Variants in SSU72 observed in about 807,000 individuals in gnomAD.
SSU72 encodes the protein RNA polymerase II subunit A C-terminal domain phosphatase SSU72.
A neutral mutation model predicts 22.7 loss-of-function variants in SSU72; 12 were observed. That is an observed-to-expected ratio of 0.53 (90% CI 0.34 to 0.86). SSU72 has a LOEUF of 0.86. SSU72 is among the 40% of genes least tolerant of loss of function. The pLI is 0.02. For missense variants in SSU72, 151 were observed against 249.8 expected (o/e 0.60, Z 2.67); for synonymous variants, 116 against 98.3 (o/e 1.18, Z -1.06).
intron 2 of SSU72, among the ~76,000 whole-genome samples, chr1:1,559,513 A>G (rs1642559617): frequency 6.6e-6 from 1 of 152,170 alleles, no homozygotes; most frequent in Admixed American, 6.5e-5. Flanking sequence ...GAACCTACAC[A>G]GTAGAGTTCC....
chr1:1,552,948 G>A (rs1642470260), intron 2 of SSU72, among the ~76,000 whole-genome samples: 1 of 150,280 alleles, frequency 6.7e-6, no homozygotes, highest in African/African-American at 2.5e-5. Flanking sequence ...TTGAACCCAC[G>A]AGGCGGAGGT....
chr1:1,553,360 G>A (rs1194638161), intron 2 of SSU72, among the ~76,000 whole-genome samples: 1 of 152,092 alleles, frequency 6.6e-6, no homozygotes, highest in Non-Finnish European at 1.5e-5. Context: ...TAGTTGTTTT[G>A]CCAGGAAATT....
Position 1,541,738 on chromosome 1 carries a change from C to T in SSU72, c.*328G>A, listed in dbSNP as rs1458236386. ...TAACACGCCGCAGCAGGGCTCTGTA[C>T]AGTCCGGCCCGGTGGGGAGGAGGGA... On this transcript the variant is annotated 3_prime_UTR_variant, in exon 5 of 5. Transcript: ENST00000291386. 2.7e-6 allele frequency: 1 copy of T among 366,988 alleles called. No individual in the cohort carries two copies. The highest frequency in any genetic ancestry group is 2.1e-5 in the African/African-American group (1 of 47,364). The allele number at this position is 366,988 out of a possible 1,614,324, so 22.7% of individuals were successfully genotyped here. A position where few individuals can be genotyped will look rare whatever the true frequency, so the allele number is the denominator to read the frequency against.
chr1:1,564,881 C>A lies in SSU72; in HGVS notation c.116G>T (p.Gly39Val). 6.2e-7 allele frequency: 1 copy of A among 1,613,108 alleles called. No homozygotes were observed. Among genetic ancestry groups the A allele is most frequent in the Non-Finnish European group, 8.5e-7 (1 of 1,179,586 alleles). The change falls in exon 2 of 5, where the codon GGG becomes GTG. Residue 39 changes from glycine to valine, a missense_variant. Gly to Val is a moderately radical substitution (Grantham distance 109, BLOSUM62 -3). Transcript: ENST00000291386. ...RGFSVRSFGT[G>V]THVKLPGPAP... ...TGGTCCTGGAAGCTTCACGTGAGTC[C>A]CTGTTCCAAAGGATCGGACGCTGAA...
At chr1:1,549,441 A>G in intron 2 of SSU72, among the ~76,000 whole-genome samples, 1 of 151,878 alleles carries the variant, frequency 6.6e-6, no homozygotes, top group Non-Finnish European at 1.5e-5. Flanking sequence ...GAATGGCGTG[A>G]ACCCGGAGGC....
chr1:1,543,285 C>T (rs944840854), intron 4 of SSU72, among the ~76,000 whole-genome samples: 1 of 152,196 alleles, frequency 6.6e-6, no homozygotes. Flanking sequence ...TCCAGGCTCA[C>T]GTGGGGCACA....
At chr1:1,544,740 A>T (rs1216107991) in intron 3 of SSU72, 123 bp downstream of exon 3, 1 of 1,406,210 alleles carries the variant, frequency 7.1e-7, no homozygotes, top group African/African-American at 1.4e-5. Flanking sequence ...CTTCACACTC[A>T]GGTCTGCTCC....
chr1:1,548,565 A>C (rs1220495979), intron 2 of SSU72, among the ~76,000 whole-genome samples: 1 of 151,212 alleles, frequency 6.6e-6, no homozygotes, highest in African/African-American at 2.4e-5. Context: ...AAAAAAAAAA[A>C]AAAAAAAAAA....
chr1:1,550,204 A>G (rs1642439607), intron 2 of SSU72, among the ~76,000 whole-genome samples: 1 of 150,182 alleles, frequency 6.7e-6, no homozygotes, highest in South Asian at 2.1e-4. Flanking sequence ...ATATATATAT[A>G]TATGTATATA....
intron 2 of SSU72, among the ~76,000 whole-genome samples, chr1:1,546,888 C>T (rs377663868): frequency 2.1e-5 from 3 of 142,406 alleles, no homozygotes; most frequent in South Asian, 2.3e-4. Context: ...AAAAAAAGGC[C>T]GGGCGCGGTG....
At chr1:1,552,615 C>T (rs998959483) in intron 2 of SSU72, among the ~76,000 whole-genome samples, 4 of 152,356 alleles carry the variant, frequency 2.6e-5, no homozygotes, top group Admixed American at 1.3e-4. Context: ...AGGACGGTGT[C>T]TCCTTCCTGA....
chr1:1,546,392 A>C (rs547618611), intron 2 of SSU72: 1 of 152,332 alleles, frequency 6.6e-6, no homozygotes, highest in South Asian at 2.1e-4. Context: ...CCTCCTGCAC[A>C]TTGGAGTCCC....
Position 1,542,248 on chromosome 1 carries a change from G to A in SSU72, c.484-81C>T, listed in dbSNP as rs1185866022. ...CTAACACCTGGATCGCCAGGGAAAC[G>A]CCAGGCCTGAGCCAGCAGAAACCAG... is the stretch of plus-strand genomic sequence containing the variant. On this transcript the variant is annotated intron_variant, in intron 4 of 4. Coordinates refer to ENST00000291386, the MANE Select transcript of SSU72 (RefSeq NM_014188.3). The surrounding 1 kb of genome is among the most constrained non-coding windows in gnomAD (Gnocchi z 4.4). 10 of 1,365,308 alleles carry A rather than the reference G, an allele frequency of 7.3e-6. No individual in the cohort carries two copies. Among genetic ancestry groups the A allele is most frequent in the East Asian group, 2.5e-5 (1 of 39,810 alleles). The allele number at this position is 1,365,308 out of a possible 1,614,324, so 84.6% of individuals were successfully genotyped here. A position where few individuals can be genotyped will look rare whatever the true frequency, so the allele number is the denominator to read the frequency against.
At chr1:1,573,776 A>G (rs7518083) in intron 1 of SSU72, among the ~76,000 whole-genome samples, 33,171 of 152,174 alleles carry the variant, frequency 0.22, 4,141 homozygotes, top group East Asian at 0.49. Flanking sequence ...CAACTTTCTT[A>G]CTATCAAAGT....
At chr1:1,550,371 C>T (rs1052192730) in intron 2 of SSU72, among the ~76,000 whole-genome samples, 2 of 152,188 alleles carry the variant, frequency 1.3e-5, no homozygotes, top group Non-Finnish European at 2.9e-5. Context: ...TCTTTTCTTT[C>T]GAGTTAAGGC....
chr1:1,552,746 C>T (rs1462029627), intron 2 of SSU72, among the ~76,000 whole-genome samples: 5 of 152,174 alleles, frequency 3.3e-5, no homozygotes, highest in Non-Finnish European at 1.5e-5. Flanking sequence ...ACTGGCCGGG[C>T]GCGGTGCCTC....
At position 1,574,471 on chromosome 1, in the gene SSU72, C is replaced by G. The variant is rs771343821; in HGVS notation, c.80+7G>C. On this transcript the variant is annotated splice_region_variant and intron_variant, in intron 1 of 4. Coordinates refer to ENST00000291386, the MANE Select transcript of SSU72 (RefSeq NM_014188.3). ...GAGCGCGCGGGGACAGGGTGGAGCCCAACTACCTGAGGATGTTGTGCGCCT... is the reference window on the plus strand; with the variant it reads ...GAGCGCGCGGGGACAGGGTGGAGCCGAACTACCTGAGGATGTTGTGCGCCT... 6.3e-7 allele frequency: 1 copy of G among 1,593,598 alleles called. No individual in the cohort carries two copies. The highest frequency in any genetic ancestry group is 8.5e-7 in the Non-Finnish European group (1 of 1,172,292).
rs1191254911 is a variant in SSU72 at position 1,574,577 on chromosome 1, G to C, written c.-20C>G. On this transcript the variant is annotated 5_prime_UTR_variant, in exon 1 of 5. Transcript: ENST00000291386. ...CGGCATGGCGGCGGCCGCAAATCCC[G>C]CGGCTCTCCCGCTTGGGTTCCCACC... 4.4e-6 allele frequency: 7 copies of C among 1,579,640 alleles called. No individual in the cohort carries two copies. In the Middle Eastern group the frequency reaches 6.7e-4, roughly 152 times the overall value.
At chr1:1,568,905 C>T (rs1376512949) in intron 1 of SSU72, among the ~76,000 whole-genome samples, 1 of 152,024 alleles carries the variant, frequency 6.6e-6, no homozygotes, top group African/African-American at 2.4e-5. Context: ...GGCACGGTGG[C>T]TCACGCCTGT....
Sources: gnomAD v4.1 joint callset for allele counts (sites outside exome capture counted in the v4.1 genomes callset) on GRCh38, gnomAD v4.1.1 for gene constraint, Gnocchi (gnomAD v3.1) non-coding constraint, MANE v1.5 for transcripts, NCBI Gene and HGNC (gene_info 2026-07-23, HGNC 2026-07-21) for gene names.